ZSCAN31: variants seen among roughly 807,000 people sequenced by gnomAD.
ZSCAN31 encodes zinc finger and SCAN domain containing 31.
ZSCAN31 carries 14 observed loss-of-function variants against 22.5 expected under a neutral mutation model. The observed-to-expected ratio is 0.62, with a 90% CI of 0.41 to 0.97. ZSCAN31 has a LOEUF of 0.97. ZSCAN31 is among the 50% of genes least tolerant of loss of function. The pLI is 0.00. For synonymous variants in ZSCAN31, 168 were observed against 169.8 expected, an observed-to-expected ratio of 0.99 and a Z score of 0.08; for missense variants, 424 against 483.4, an observed-to-expected ratio of 0.88 and a Z score of 1.15.
intron 2 of ZSCAN31, among the ~76,000 whole-genome samples, chr6:28,328,170 C>T (rs914491877): frequency 3.9e-5 from 6 of 152,192 alleles, no homozygotes; most frequent in Non-Finnish European, 5.9e-5. Flanking sequence ...AGGACCAAGG[C>T]GAAATTAAAA....
At chr6:28,340,688 T>C (rs1764377574), upstream of ZSCAN31, among the ~76,000 whole-genome samples, 1 of 152,274 alleles carries the variant, frequency 6.6e-6, no homozygotes, top group South Asian at 2.1e-4. Context: ...TTATATATTT[T>C]ACTTCTCTGT....
chr6:28,348,328 A>C, intron 2 of ZSCAN31, among the ~76,000 whole-genome samples: 1 of 152,356 alleles, frequency 6.6e-6, no homozygotes, highest in South Asian at 2.1e-4. Context: ...CTATAGAAGC[A>C]AACTTGTGAA....
Position 28,329,659 on chromosome 6 carries a change from C to G in ZSCAN31, c.25G>C (p.Asp9His). 6.2e-7 allele frequency: 1 copy of G among 1,613,410 alleles called. No individual in the cohort carries two copies. The highest frequency in any genetic ancestry group is 8.5e-7 in the Non-Finnish European group (1 of 1,179,678). Residue 9 changes from aspartate (D) to histidine (H), a missense_variant, in exon 2 of 4, where the codon GAT becomes CAT. Physicochemically the swap from Asp to His is moderately conservative, Grantham distance 81. Coordinates refer to ENST00000344279, the MANE Select transcript of ZSCAN31 (RefSeq NM_030899.5). ...TCCTCCACTTTCACAATCTTAAGAT[C>G]GTACTGTTCCTCTGTTGAAGCCATT... MASTEEQY[D>H]LKIVKVEEDP... is the part of the protein sequence containing the mutation.
chr6:28,332,433 T>C (rs1014454677), intron 1 of ZSCAN31: 1 of 152,216 alleles, frequency 6.6e-6, no homozygotes, highest in African/African-American at 2.4e-5. Flanking sequence ...AAATGATCTT[T>C]ACTGAAGCAC....
At position 28,331,331 on chromosome 6, in the gene ZSCAN31, C is replaced by T. The variant is rs918205913; in HGVS notation, c.-95-1553G>A. Among the ~76,000 whole-genome samples the T allele has an allele frequency of 1.3e-5, 2 of 152,126 alleles. No individual in the cohort carries two copies. Among genetic ancestry groups the T allele is most frequent in the Admixed American group, 6.5e-5 (1 of 15,278 alleles). ...AGTTTTATATGATTTTTGCCCAATG[C>T]TAATTGAATTATTAAGGTCTGAGAT... is the stretch of plus-strand genomic sequence containing the variant. On this transcript the variant is annotated intron_variant, in intron 1 of 3. Coordinates refer to ENST00000344279, the MANE Select transcript of ZSCAN31 (RefSeq NM_030899.5). This position sits in a 1 kb window ranked among gnomAD's most constrained non-coding sequence, Gnocchi z 4.8.
intron 2 of ZSCAN31, among the ~76,000 whole-genome samples, chr6:28,348,252 T>G (rs1169987631): frequency 6.6e-6 from 1 of 152,200 alleles, no homozygotes; most frequent in Non-Finnish European, 1.5e-5. Flanking sequence ...TTGTTTTCCT[T>G]ATAGTTTGTA....
rs754959278 is a variant in ZSCAN31, at chr6:28,326,388, G to A, written c.999C>T (p.Leu333=). The A allele has an allele frequency of 1.9e-6, 3 of 1,614,014 alleles. No individual in the cohort carries two copies. In the East Asian group the frequency reaches 6.7e-5, roughly 36 times the overall value. The part of the protein sequence containing the change: ...YECKVCGKAF[L]LSSCLVQHQR... Reference sequence around the variant, plus strand: ...GATGCTGAACAAGGCATGAGCTGAGGAGGAAAGCCTTCCCACACACTTTGC... The same window carrying A: ...GATGCTGAACAAGGCATGAGCTGAGAAGGAAAGCCTTCCCACACACTTTGC... The change falls in exon 4 of 4, where the codon CTC becomes CTT. Residue 333 remains leucine (L), a synonymous_variant. Coordinates refer to ENST00000344279, the MANE Select transcript of ZSCAN31 (RefSeq NM_030899.5).
At chr6:28,340,634 A>G (rs1764375946), upstream of ZSCAN31, among the ~76,000 whole-genome samples, 1 of 152,254 alleles carries the variant, frequency 6.6e-6, no homozygotes, top group Admixed American at 6.5e-5. Flanking sequence ...ATTTCTTTAT[A>G]GCAGCATGAC....
chr6:28,343,468 T>G (rs575741399), intron 2 of ZSCAN31, among the ~76,000 whole-genome samples: 1 of 150,702 alleles, frequency 6.6e-6, no homozygotes, highest in Admixed American at 6.6e-5. Context: ...TACTGCAAAC[T>G]CAACCAACTA....
chr6:28,324,848 C>T lies in ZSCAN31; in HGVS notation c.*1318G>A, dbSNP rs1248556590. 3 of 152,190 alleles carry T rather than the reference C, an allele frequency of 2.0e-5. No homozygotes were observed. Among genetic ancestry groups the T allele is most frequent in the South Asian group, 2.1e-4 (1 of 4,834 alleles). 9.4% of individuals were successfully genotyped at this position (152,190 alleles called of 1,614,324 possible). On this transcript the variant is annotated 3_prime_UTR_variant, in exon 4 of 4. Coordinates refer to ENST00000344279, the MANE Select transcript of ZSCAN31 (RefSeq NM_030899.5). The surrounding 1 kb of genome is among the most constrained non-coding windows in gnomAD (Gnocchi z 4.8). Reference sequence around the variant, plus strand: ...AACAAGAATGTCAGCAGAGGCATTTCGTATCCTAATTTTAACATGATACTT... The same window carrying T: ...AACAAGAATGTCAGCAGAGGCATTTTGTATCCTAATTTTAACATGATACTT...
upstream of ZSCAN31, among the ~76,000 whole-genome samples, chr6:28,355,085 T>C (rs558047012): frequency 5.3e-5 from 8 of 152,288 alleles, no homozygotes; most frequent in African/African-American, 1.7e-4. Flanking sequence ...CCATGCCCCA[T>C]TGGGAATGCG....
chr6:28,327,607 C>G, intron 2 of ZSCAN31, 74 bp from the exon 3 acceptor site: 6 of 1,479,882 alleles, frequency 4.1e-6, no homozygotes, highest in Non-Finnish European at 5.5e-6. Flanking sequence ...TGAAAGATAT[C>G]ACATGGAACT....
In ZSCAN31 at chr6:28,326,873, C is replaced by A; in HGVS notation, c.533-19G>T. 1 of 1,571,092 alleles carries A rather than the reference C, an allele frequency of 6.4e-7. No individual in the cohort carries two copies. Among genetic ancestry groups the A allele is most frequent in the Non-Finnish European group, 8.7e-7 (1 of 1,153,258 alleles). On this transcript the variant is annotated intron_variant, in intron 3 of 3. Transcript: ENST00000344279. Reference sequence around the variant, plus strand: ...TCACCATCTGGAATAATAAATGGACCAAACAATGTAATCTCTTTCCTTTAT... The same window carrying A: ...TCACCATCTGGAATAATAAATGGACAAAACAATGTAATCTCTTTCCTTTAT...
upstream of ZSCAN31, chr6:28,336,525 G>A (rs1764173627): frequency 6.6e-6 from 1 of 152,262 alleles, no homozygotes; most frequent in African/African-American, 2.4e-5. Context: ...ACAAGCTGAG[G>A]CTTTTATAAT....
chr6:28,332,177 T>C (rs1763803657), intron 1 of ZSCAN31: 1 of 152,218 alleles, frequency 6.6e-6, no homozygotes, highest in South Asian at 2.1e-4. Context: ...TTACCCTGTG[T>C]TCCCAGCCAG....
intron 2 of ZSCAN31, among the ~76,000 whole-genome samples, chr6:28,348,542 C>G (rs955632936): frequency 6.6e-6 from 1 of 152,124 alleles, no homozygotes; most frequent in African/African-American, 2.4e-5. Flanking sequence ...ATATATCAAG[C>G]ATCCACACAT....
intron 1 of ZSCAN31, 23 bp downstream of exon 1, chr6:28,336,059 C>T (rs1002830102): frequency 2.0e-5 from 3 of 152,370 alleles, no homozygotes; most frequent in Non-Finnish European, 2.9e-5. Flanking sequence ...CCTGGCGGGT[C>T]GCGACAAGGG....
chr6:28,326,271 G>C lies in ZSCAN31; in HGVS notation c.1116C>G (p.Val372=), dbSNP rs778570196. The change falls in exon 4 of 4, where the codon GTC becomes GTG. Residue 372 remains valine, a synonymous_variant. Coordinates refer to ENST00000344279, the MANE Select transcript of ZSCAN31 (RefSeq NM_030899.5). Reference sequence around the variant, plus strand: ...ACTGATAGGGTTTCTCACCAGTGTGGACTCGGAGATGCTGGAAAAGCCCTG... The same window carrying C: ...ACTGATAGGGTTTCTCACCAGTGTGCACTCGGAGATGCTGGAAAAGCCCTG... ...QNAGLFQHLR[V]HTGEKPYQCS... 14 of 1,614,046 alleles carry C rather than the reference G, an allele frequency of 8.7e-6. No homozygotes were observed. The highest frequency in any genetic ancestry group is 1.7e-6 in the Non-Finnish European group (2 of 1,180,040).
chr6:28,336,852 A>G (rs1764199618), upstream of ZSCAN31: 1 of 152,204 alleles, frequency 6.6e-6, no homozygotes, highest in South Asian at 2.1e-4. Context: ...GAGAGATGGT[A>G]ATGGTGGGGA....
Sources: gnomAD v4.1 joint callset for allele counts (sites outside exome capture counted in the v4.1 genomes callset) on GRCh38, gnomAD v4.1.1 for gene constraint, Gnocchi (gnomAD v3.1) non-coding constraint, MANE v1.5 for transcripts, NCBI Gene and HGNC (gene_info 2026-07-23, HGNC 2026-07-21) for gene names.